Variants in TUB observed in about 807,000 individuals in gnomAD.
The protein encoded by TUB is tubby protein homolog.
In TUB, 33 loss-of-function variants were observed where a neutral mutation model predicts 59.7. The ratio of observed to expected loss-of-function variants is 0.55; its 90% confidence interval spans 0.42 to 0.74. The LOEUF (loss-of-function observed/expected upper bound fraction) is 0.74, where lower values mean the gene tolerates loss of function less well. TUB is among the 30% of genes least tolerant of loss of function. TUB has a pLI of 0.00. For missense variants in TUB, 659 were observed against 672.0 expected (o/e 0.98, Z 0.21); for synonymous variants, 293 against 256.4 (o/e 1.14, Z -1.36).
intron 2 of TUB, among the ~76,000 whole-genome samples, chr11:8,059,316 G>T (rs1042324089): frequency 1.3e-5 from 2 of 152,190 alleles, no homozygotes; most frequent in African/African-American, 4.8e-5. Context: ...GAGACATCCA[G>T]TCGCAGTTAG....
chr11:8,052,579 C>T (rs1365866211), intron 2 of TUB, among the ~76,000 whole-genome samples: 1 of 151,304 alleles, frequency 6.6e-6, no homozygotes, highest in Non-Finnish European at 1.5e-5. Flanking sequence ...ATGCCATTCT[C>T]CTGCCTCAGC....
rs1463496619 is a variant in TUB, at chr11:8,102,761, C to T, written c.*1142C>T. Reference sequence around the variant, plus strand: ...CAGCAGTGGCAGGACCCTTAGGAATCTAGTACAACCTTGTTGCTTTAGGTG... The same window carrying T: ...CAGCAGTGGCAGGACCCTTAGGAATTTAGTACAACCTTGTTGCTTTAGGTG... On this transcript the variant is annotated 3_prime_UTR_variant, in exon 12 of 12. Coordinates refer to ENST00000299506, the MANE Select transcript of TUB (RefSeq NM_177972.3). 1 of 152,236 alleles carries T rather than the reference C, an allele frequency of 6.6e-6. No homozygotes were observed. Among genetic ancestry groups the T allele is most frequent in the Non-Finnish European group, 1.5e-5 (1 of 68,066 alleles). 9.4% of individuals were successfully genotyped at this position (152,236 alleles called of 1,614,324 possible).
chr11:8,038,804 C>T (rs1047581429), exon 1 of TUB: 15 of 1,557,230 alleles, frequency 9.6e-6, no homozygotes, highest in Admixed American at 2.0e-5. Context: ...GGAATTTCAA[C>T]AGGCTCCAGG....
At chr11:8,051,592 TC>T (rs1340822432) in intron 2 of TUB, among the ~76,000 whole-genome samples, 3 of 152,206 alleles carry the variant, frequency 2.0e-5, no homozygotes, top group Non-Finnish European at 4.4e-5. Context: ...AGGCTATCAA[TC>T]CACTCTCTCC....
rs377375137 is a variant in TUB at position 8,101,651 on chromosome 11, C to T, written c.*32C>T. 85 of 1,611,512 alleles carry T rather than the reference C, an allele frequency of 5.3e-5. 1 individual carries two copies. The African/African-American group carries it at 1.1e-3, about 21-fold the overall frequency. On this transcript the variant is annotated 3_prime_UTR_variant, in exon 12 of 12. Transcript: ENST00000299506. Reference sequence around the variant, plus strand: ...CTTCGTGCCCTTTGGGGTTGCCCAGCCTGGAGCGGAGCTTGCCTGCCTGCC... The same window carrying T: ...CTTCGTGCCCTTTGGGGTTGCCCAGTCTGGAGCGGAGCTTGCCTGCCTGCC...
At chr11:8,028,172 TATC>T (rs1445095345) in intron 1 of TUB, among the ~76,000 whole-genome samples, 1 of 152,178 alleles carries the variant, frequency 6.6e-6, no homozygotes, top group Admixed American at 6.5e-5. Context: ...AGTGGTATCT[TATC>T]ATGGTTTTGA....
chr11:8,045,806 C>T (rs956104109), intron 2 of TUB, among the ~76,000 whole-genome samples: 4 of 152,148 alleles, frequency 2.6e-5, no homozygotes, highest in East Asian at 1.9e-4. Context: ...AGCCCTTGGC[C>T]GAGGGCTAAG....
chr11:8,049,648 G>GTGTAATTTTATTA, intron 2 of TUB, among the ~76,000 whole-genome samples: 1 of 149,744 alleles, frequency 6.7e-6, no homozygotes, highest in African/African-American at 2.5e-5. Context: ...TACTTTTATT[G>GTGTAATTTTATTA]TGTAATTTTA....
Position 8,096,727 on chromosome 11 carries a change from A to G in TUB, c.608A>G (p.Glu203Gly), listed in dbSNP as rs761912164. Residue 203 changes from glutamate to glycine, a missense_variant, in exon 6 of 12, where the codon GAG (glutamate) becomes GGG (glycine). Transcript: ENST00000299506. ...SMSFDEDEED[E>G]EENSSSSSQL... ...AGCTTTGACGAGGATGAGGAGGATG[A>G]GGAGGAGAATAGCTCCAGCTCCTCC... The G allele has an allele frequency of 1.2e-6, 2 of 1,613,842 alleles. No homozygotes were observed. The highest frequency in any genetic ancestry group is 1.7e-6 in the Non-Finnish European group (2 of 1,179,782).
chr11:8,035,996 G>T (rs554941724), upstream of TUB: 1 of 152,240 alleles, frequency 6.6e-6, no homozygotes, highest in African/African-American at 2.4e-5. Flanking sequence ...CTGTCAGTAG[G>T]GGGGCACACC....
At chr11:8,097,679 T>C in intron 7 of TUB, 35 bp from the exon 8 acceptor site, 1 of 1,569,298 alleles carries the variant, frequency 6.4e-7, no homozygotes, top group Non-Finnish European at 8.7e-7. Context: ...GACCAGAGGC[T>C]GAGTCTGGAA....
chr11:8,100,699 G>T (rs568737567), intron 10 of TUB, 98 bp downstream of exon 10: 30 of 1,520,132 alleles, frequency 2.0e-5, no homozygotes, highest in Admixed American at 3.4e-5. Context: ...ATGTGGAGGG[G>T]TACCATGTGA....
chr11:8,037,821 A>G (rs1036948575), upstream of TUB, among the ~76,000 whole-genome samples: 2 of 152,198 alleles, frequency 1.3e-5, no homozygotes, highest in Non-Finnish European at 2.9e-5. Context: ...GGGTTTAAGT[A>G]GGCTGGGAGG....
At chr11:8,034,298 G>A (rs988100100), upstream of TUB, among the ~76,000 whole-genome samples, 1 of 152,196 alleles carries the variant, frequency 6.6e-6, no homozygotes, top group African/African-American at 2.4e-5. Flanking sequence ...TGGGAGTGGG[G>A]TCTGAGGTCT....
In TUB at chr11:8,100,534, G is replaced by A. The variant is rs1251264853; in HGVS notation, c.1148G>A (p.Arg383Gln). ...AACGTCTTAGGCTTCAAGGGGCCTC[G>A]GAAGATGAGCGTGATTGTCCCAGGC... ...ETNVLGFKGP[R>Q]KMSVIVPGMN... The change falls in exon 10 of 12, where the codon CGG becomes CAG. Residue 383 changes from arginine to glutamine, a missense_variant. By Grantham distance (43) the Arg-to-Gln change is conservative. Coordinates refer to ENST00000299506, the MANE Select transcript of TUB (RefSeq NM_177972.3). The A allele has an allele frequency of 9.9e-6, 16 of 1,613,984 alleles. No individual in the cohort carries two copies. Among genetic ancestry groups the A allele is most frequent in the African/African-American group, 2.7e-5 (2 of 74,894 alleles).
chr11:8,096,749 C>T lies in TUB; in HGVS notation c.630C>T (p.Ser210=). 6.2e-7 allele frequency: 1 copy of T among 1,614,132 alleles called. No homozygotes were observed. Among genetic ancestry groups the T allele is most frequent in the Non-Finnish European group, 8.5e-7 (1 of 1,179,988 alleles). The change falls in exon 6 of 12, where the codon TCC becomes TCT. Residue 210 remains serine, a synonymous_variant. Transcript: ENST00000299506. ...EEDEEENSSS[S]SQLNSNTRPS... ...ATGAGGAGGAGAATAGCTCCAGCTCCTCCCAGCTAAATAGTAACACCCGCC... is the reference window on the plus strand; with the variant it reads ...ATGAGGAGGAGAATAGCTCCAGCTCTTCCCAGCTAAATAGTAACACCCGCC...
chr11:8,039,714 C>A, intron 2 of TUB: 2 of 1,500,952 alleles, frequency 1.3e-6, no homozygotes, highest in Non-Finnish European at 1.8e-6. Flanking sequence ...GGGAGGAGGG[C>A]GTGCCGGCCC....
intron 2 of TUB, among the ~76,000 whole-genome samples, chr11:8,056,203 C>T (rs910830159): frequency 2.0e-5 from 3 of 152,180 alleles, no homozygotes; most frequent in Admixed American, 6.5e-5. Flanking sequence ...GCTGTCACCA[C>T]GAGGAAGTGC....
intron 2 of TUB, among the ~76,000 whole-genome samples, chr11:8,064,271 C>T (rs1454348205): frequency 6.6e-6 from 1 of 152,204 alleles, no homozygotes; most frequent in African/African-American, 2.4e-5. Context: ...TTGTCCCCAC[C>T]TTGATGGACT....
Sources: gnomAD v4.1 joint callset for allele counts (sites outside exome capture counted in the v4.1 genomes callset) on GRCh38, gnomAD v4.1.1 for gene constraint, MANE v1.5 for transcripts, NCBI Gene and HGNC (gene_info 2026-07-23, HGNC 2026-07-21) for gene names.